ALG12: variants seen among roughly 807,000 people sequenced by gnomAD.
ALG12 encodes the protein ALG12 alpha-1,6-mannosyltransferase.
In ALG12, 36 loss-of-function variants were observed where a neutral mutation model predicts 46.0. The ratio of observed to expected loss-of-function variants is 0.78; its 90% CI spans 0.60 to 1.03. The LOEUF is 1.03. ALG12 is among the 50% of genes least tolerant of loss of function. ALG12 has a pLI of 0.00. For synonymous variants in ALG12, 326 were observed against 291.6 expected, an observed-to-expected ratio of 1.12 and a Z score of -1.20; for missense variants, 599 against 633.5, an observed-to-expected ratio of 0.95 and a Z score of 0.58.
the ALG12 span, among the ~76,000 whole-genome samples, chr22:49,861,560 A>G: frequency 6.6e-6 from 1 of 152,080 alleles, no homozygotes; most frequent in East Asian, 1.9e-4. Context: ...TACCCTCCTG[A>G]GTAGCTGGGA....
chr22:49,883,676 T>G, the ALG12 span: 178 of 1,583,650 alleles, frequency 1.1e-4, 3 homozygotes, highest in Middle Eastern at 3.0e-3. Context: ...GAGAATAACT[T>G]GAAAACTTGT....
the ALG12 span, among the ~76,000 whole-genome samples, chr22:49,877,933 C>A: frequency 1.3e-5 from 2 of 152,138 alleles, no homozygotes; most frequent in African/African-American, 4.8e-5. Flanking sequence ...CATAATGATC[C>A]ATTGTAGGGC....
At position 49,909,310 on chromosome 22, in the gene ALG12, C is replaced by G. The variant is rs764517722; in HGVS notation, c.702G>C (p.Gln234His). Reference sequence around the variant, plus strand: ...GCACCTTTCCTTCCGGCCAAGTGAGCTGCCGCCAAAAATAAGAGTCCACAG... The same window carrying G: ...GCACCTTTCCTTCCGGCCAAGTGAGGTGCCGCCAAAAATAAGAGTCCACAG... ...TVAVDSYFWR[Q>H]LTWPEGKVLW... Residue 234 changes from glutamine to histidine, a missense_variant, in exon 6 of 10, where the codon CAG becomes CAC. By Grantham distance (24) the Gln-to-His change is conservative (BLOSUM62 0). Transcript: ENST00000330817. The G allele has an allele frequency of 1.2e-6, 2 of 1,614,110 alleles. No homozygotes were observed. Among genetic ancestry groups the G allele is most frequent in the African/African-American group, 2.7e-5 (2 of 74,938 alleles).
At chr22:49,904,984 C>T (rs1008018584) in intron 7 of ALG12, among the ~76,000 whole-genome samples, 12 of 152,084 alleles carry the variant, frequency 7.9e-5, no homozygotes, top group Non-Finnish European at 1.5e-4. Context: ...GTGATCTGCC[C>T]GCCTCAGCCT....
the ALG12 span, among the ~76,000 whole-genome samples, chr22:49,891,696 C>T: frequency 1.3e-5 from 2 of 152,318 alleles, no homozygotes; most frequent in Non-Finnish European, 2.9e-5. Flanking sequence ...GAGCCCTTTT[C>T]AAACTGATTC....
the ALG12 span, among the ~76,000 whole-genome samples, chr22:49,868,790 G>C: frequency 6.6e-6 from 1 of 151,996 alleles, no homozygotes; most frequent in African/African-American, 2.4e-5. Flanking sequence ...GAGGGTGGGA[G>C]CCCAGCCTCC....
intron 1 of ALG12, among the ~76,000 whole-genome samples, chr22:49,917,787 GT>G (rs1464327056): frequency 6.6e-6 from 1 of 150,796 alleles, no homozygotes; most frequent in African/African-American, 2.5e-5. Context: ...GACGCTGCAC[GT>G]TTTATTTCCC....
rs1239082253 is a variant in ALG12 at position 49,905,777 on chromosome 22, G to A, written c.993-1271C>T. Among the ~76,000 whole-genome samples, 4 of 152,184 alleles carry A rather than the reference G, an allele frequency of 2.6e-5. No individual in the cohort carries two copies. The highest frequency in any genetic ancestry group is 9.6e-5 in the African/African-American group (4 of 41,452). On this transcript the variant is annotated intron_variant, in intron 7 of 9. Coordinates refer to ENST00000330817, the MANE Select transcript of ALG12 (RefSeq NM_024105.4). This position sits in a 1 kb window ranked among gnomAD's most constrained non-coding sequence, Gnocchi z 4.9. ...CTCAGGTGTTTCTTTACATCAGTGC[G>A]AGAGCAGACTAGTGCACCCTTGAAC...
At chr22:49,887,262 C>T in the ALG12 span, 944 of 1,412,630 alleles carry the variant, frequency 6.7e-4, 5 homozygotes, top group African/African-American at 4.8e-3. Context: ...GCTCTGCCCA[C>T]GGCTGTGTAC....
Position 49,901,506 on chromosome 22 carries a change from T to C in ALG12, c.*2332A>G, listed in dbSNP as rs1398032151. On this transcript the variant is annotated 3_prime_UTR_variant, in exon 10 of 10. Transcript: ENST00000330817. ...GTGCACGTGTGCATTGTGTGCATGA[T>C]TGCATTGTGTGGTGTGTATGCATGG... 2 of 149,372 alleles carry C rather than the reference T, an allele frequency of 1.3e-5. No homozygotes were observed. Among genetic ancestry groups the C allele is most frequent in the East Asian group, 2.0e-4 (1 of 4,958 alleles). The allele number at this position is 149,372 out of a possible 1,614,324, so 9.3% of individuals were successfully genotyped here.
intron 6 of ALG12, among the ~76,000 whole-genome samples, chr22:49,908,526 CAAA>C (rs11432710): frequency 3.6e-5 from 2 of 55,016 alleles, no homozygotes; most frequent in Non-Finnish European, 7.3e-5. Context: ...GACTCTGTCT[CAAA>C]AAAAAAAAAA....
chr22:49,881,398 G>GT, the ALG12 span, among the ~76,000 whole-genome samples: 39 of 152,184 alleles, frequency 2.6e-4, no homozygotes, highest in Non-Finnish European at 8.8e-5. Flanking sequence ...TACAGTTGCT[G>GT]TTTTTTTGAG....
rs1026527821 is a variant in ALG12, at chr22:49,917,398, T to C, written c.-79+865A>G. On this transcript the variant is annotated intron_variant, in intron 1 of 9. Coordinates refer to ENST00000330817, the MANE Select transcript of ALG12 (RefSeq NM_024105.4). ...GAAATTGATCAAATCAGGCTAAGCA[T>C]GGTGGCTCACGCCTGTAACCCTAGC... 3.3e-5 allele frequency among the ~76,000 whole-genome samples: 5 copies of C among 152,174 alleles called. No homozygotes were observed. The South Asian group carries it at 1.0e-3, about 31-fold the overall frequency.
the ALG12 span, among the ~76,000 whole-genome samples, chr22:49,862,384 G>A: frequency 6.6e-6 from 1 of 152,256 alleles, no homozygotes; most frequent in Non-Finnish European, 1.5e-5. Flanking sequence ...GACTACGGGC[G>A]TAAGCCACTG....
Position 49,903,169 on chromosome 22 carries a change from A to C in ALG12, c.*669T>G, listed in dbSNP as rs931426352. 1.1e-5 allele frequency: 4 copies of C among 371,430 alleles called. No homozygotes were observed. Among genetic ancestry groups the C allele is most frequent in the Non-Finnish European group, 2.1e-5 (4 of 189,108 alleles). The allele number at this position is 371,430 out of a possible 1,614,324, so 23.0% of individuals were successfully genotyped here. A position where few individuals can be genotyped will look rare whatever the true frequency, so the allele number is the denominator to read the frequency against. On this transcript the variant is annotated 3_prime_UTR_variant, in exon 10 of 10. Coordinates refer to ENST00000330817, the MANE Select transcript of ALG12 (RefSeq NM_024105.4). ...GAATAGTCACCTGTGATAAGCTATC[A>C]CATAGGAAACATTTTTAAAATTTCA...
At chr22:49,883,375 G>A in the ALG12 span, 1 of 281,346 alleles carries the variant, frequency 3.6e-6, no homozygotes, top group Non-Finnish European at 6.7e-6. Context: ...AGATGATCAG[G>A]CAGATCCTGT....
rs1397085927 is a variant in ALG12, at chr22:49,903,570, G to A, written c.*268C>T. 3.1e-6 allele frequency: 2 copies of A among 645,360 alleles called. No individual in the cohort carries two copies. The highest frequency in any genetic ancestry group is 3.6e-5 in the African/African-American group (2 of 56,186). The allele number at this position is 645,360 out of a possible 1,614,324, so 40.0% of individuals were successfully genotyped here. ...CACCTGGTCTGGGCGACAGTCACCC[G>A]CAGGAAGCCCTGAGCTGGCCACCAT... is the stretch of plus-strand genomic sequence containing the variant. On this transcript the variant is annotated 3_prime_UTR_variant, in exon 10 of 10. Transcript: ENST00000330817.
chr22:49,869,355 G>A, the ALG12 span, among the ~76,000 whole-genome samples: 4 of 152,278 alleles, frequency 2.6e-5, no homozygotes, highest in Admixed American at 2.0e-4. Context: ...CCCGCGTGGT[G>A]GTTATCCACC....
the ALG12 span, among the ~76,000 whole-genome samples, chr22:49,870,943 A>ATT: frequency 0.072 from 9,959 of 138,040 alleles, 1,029 homozygotes; most frequent in African/African-American, 0.22. Flanking sequence ...TAAAAGATAG[A>ATT]TTTTTTTTTT....
Sources: gnomAD v4.1 joint callset for allele counts (sites outside exome capture counted in the v4.1 genomes callset) on GRCh38, gnomAD v4.1.1 for gene constraint, Gnocchi (gnomAD v3.1) non-coding constraint, MANE v1.5 for transcripts, NCBI Gene and HGNC (gene_info 2026-07-23, HGNC 2026-07-21) for gene names.